Variants in CNMD observed in about 807,000 individuals in gnomAD.
CNMD encodes the protein chondromodulin.
A neutral mutation model predicts 37.5 loss-of-function variants in CNMD; 30 were observed. That is an observed-to-expected ratio of 0.80 (90% CI 0.60 to 1.09). CNMD has a LOEUF of 1.09. Ranked by LOEUF, CNMD falls within the 50% of genes least tolerant of loss-of-function variation. The probability of loss-of-function intolerance (pLI) is 0.00; values close to 1 mark genes in which losing one functional copy is unlikely to be tolerated. For missense variants in CNMD, 398 were observed against 423.9 expected (o/e 0.94, Z 0.54); for synonymous variants, 167 against 148.2 (o/e 1.13, Z -0.92).
chr13:52,703,952 CATTCATA>C (rs1434251780), intron 6 of CNMD, 142 bp from the exon 7 acceptor site: 1 of 655,682 alleles, frequency 1.5e-6, no homozygotes, highest in African/African-American at 1.8e-5. Flanking sequence ...TTTACCCTGT[CATTCATA>C]ATTCATGTTC....
intron 2 of CNMD, among the ~76,000 whole-genome samples, chr13:52,734,040 T>C (rs967090522): frequency 6.6e-6 from 1 of 152,194 alleles, no homozygotes; most frequent in African/African-American, 2.4e-5. Flanking sequence ...CCTGAACGAT[T>C]CTATGGGGCA....
Position 52,703,768 on chromosome 13 carries a change from G to A in CNMD, c.832C>T (p.His278Tyr), listed in dbSNP as rs147068950. ...CATTCTATACAACAGATTCCTTCGT[G>A]ATCCAGTCTAGGGTCGAATGTCATG... ...ESMTFDPRLD[H>Y]EGICCIECRR... The change falls in exon 7 of 7, where the codon CAC (histidine) becomes TAC (tyrosine). Residue 278 changes from histidine to tyrosine, a missense_variant. By Grantham distance (83) the His-to-Tyr change is moderately conservative. Coordinates refer to ENST00000377962, the MANE Select transcript of CNMD (RefSeq NM_007015.3). 1 of 1,613,956 alleles carries A rather than the reference G, an allele frequency of 6.2e-7. No homozygotes were observed. The highest frequency in any genetic ancestry group is 1.3e-5 in the African/African-American group (1 of 74,914).
chr13:52,735,682 T>A lies in CNMD; in HGVS notation c.214-2323A>T, dbSNP rs9568756. On this transcript the variant is annotated intron_variant, in intron 2 of 6. Transcript: ENST00000377962. ...AGCTGATGAATTTTTAAAAAAAATC[T>A]AAAAAAAAAAAAAAATCTCATAATG... is the stretch of plus-strand genomic sequence containing the variant. Among the ~76,000 whole-genome samples the A allele has an allele frequency of 1.3e-3, 189 of 142,796 alleles. 2 individuals are homozygous for A. In the East Asian group the frequency reaches 0.033, roughly 25 times the overall value. The allele number at this position is 142,796 out of a possible 152,430, so 93.7% of individuals were successfully genotyped here.
intron 3 of CNMD, among the ~76,000 whole-genome samples, chr13:52,730,578 G>A (rs1964648784): frequency 6.6e-6 from 1 of 152,116 alleles, no homozygotes; most frequent in Non-Finnish European, 1.5e-5. Context: ...GGCCAGTGAT[G>A]ATGAGCATTT....
chr13:52,720,970 C>T (rs912202422), intron 4 of CNMD, among the ~76,000 whole-genome samples: 2 of 152,206 alleles, frequency 1.3e-5, no homozygotes, highest in Non-Finnish European at 2.9e-5. Context: ...CCGACTGGGG[C>T]TGCTGCCTTT....
At chr13:52,723,903 TA>T in intron 4 of CNMD, 93 bp downstream of exon 4, 1 of 809,104 alleles carries the variant, frequency 1.2e-6, no homozygotes, top group Non-Finnish European at 2.0e-6. Flanking sequence ...TCAATAAAAA[TA>T]AAAATAAAAA....
chr13:52,714,393 C>T (rs1964336566), intron 4 of CNMD, among the ~76,000 whole-genome samples: 1 of 152,242 alleles, frequency 6.6e-6, no homozygotes, highest in South Asian at 2.1e-4. Context: ...CTAATTCACA[C>T]AAATGTATTG....
intron 2 of CNMD, among the ~76,000 whole-genome samples, chr13:52,734,479 C>T (rs1185250310): frequency 2.6e-5 from 4 of 152,156 alleles, no homozygotes; most frequent in African/African-American, 9.7e-5. Flanking sequence ...CTGATTACTG[C>T]ACTGGTTTCA....
intron 3 of CNMD, among the ~76,000 whole-genome samples, chr13:52,727,449 C>T (rs974883935): frequency 6.6e-6 from 1 of 152,092 alleles, no homozygotes; most frequent in Non-Finnish European, 1.5e-5. Flanking sequence ...ACTGCTTGAG[C>T]CCAGGAGTTC....
intron 4 of CNMD, among the ~76,000 whole-genome samples, chr13:52,719,743 C>T (rs1964449643): frequency 6.6e-6 from 1 of 152,220 alleles, no homozygotes. Context: ...AACTTTCTCT[C>T]TGGCTGCTTT....
chr13:52,708,444 G>C, intron 6 of CNMD, 92 bp downstream of exon 6: 1 of 1,175,236 alleles, frequency 8.5e-7, no homozygotes, highest in Non-Finnish European at 1.2e-6. Flanking sequence ...GCCTCCCAAA[G>C]TGCTAGGATT....
At position 52,708,666 on chromosome 13, in the gene CNMD, A is replaced by T; in HGVS notation, c.659T>A (p.Ile220Asn). 1 of 1,611,128 alleles carries T rather than the reference A, an allele frequency of 6.2e-7. No individual in the cohort carries two copies. Among genetic ancestry groups the T allele is most frequent in the South Asian group, 1.1e-5 (1 of 89,998 alleles). ...TGGTCTTTTTGTGGTAGTTGGAACA[A>T]TTTTTCTTACCACTTCTCTTCTTTC... is the stretch of plus-strand genomic sequence containing the variant. ...QRERREVVRKIVPTTTKRPHS... is the reference protein window; with the variant it reads ...QRERREVVRKNVPTTTKRPHS... Residue 220 changes from isoleucine to asparagine, a missense_variant, in exon 6 of 7, where the codon ATT (isoleucine) becomes AAT (asparagine). Ile to Asn is a moderately radical substitution (Grantham distance 149). Coordinates refer to ENST00000377962, the MANE Select transcript of CNMD (RefSeq NM_007015.3).
At chr13:52,717,525 C>A (rs1964410765) in intron 4 of CNMD, among the ~76,000 whole-genome samples, 1 of 152,106 alleles carries the variant, frequency 6.6e-6, no homozygotes. Flanking sequence ...CCATCAATAC[C>A]TAGTTTATTG....
intron 4 of CNMD, among the ~76,000 whole-genome samples, chr13:52,720,250 T>C (rs1403793227): frequency 6.6e-6 from 1 of 152,162 alleles, no homozygotes; most frequent in African/African-American, 2.4e-5. Context: ...TTTTCAAGGT[T>C]CTTGGCTTCC....
chr13:52,708,072 A>G (rs779744252), intron 6 of CNMD, among the ~76,000 whole-genome samples: 35 of 152,146 alleles, frequency 2.3e-4, no homozygotes, highest in Non-Finnish European at 3.8e-4. Context: ...AAACAACAAC[A>G]AAAAAACAAC....
intron 3 of CNMD, among the ~76,000 whole-genome samples, chr13:52,731,654 G>T (rs559725147): frequency 1.3e-5 from 2 of 152,292 alleles, no homozygotes; most frequent in South Asian, 4.1e-4. Flanking sequence ...ATATAGGTTT[G>T]GGATTAAAAT....
At chr13:52,721,717 A>G (rs1004346667) in intron 4 of CNMD, among the ~76,000 whole-genome samples, 1 of 151,068 alleles carries the variant, frequency 6.6e-6, no homozygotes, top group Non-Finnish European at 1.5e-5. Context: ...GGGAGCTGCA[A>G]ACTGGAGCTG....
At chr13:52,714,769 TCA>T (rs148218573) in intron 4 of CNMD, among the ~76,000 whole-genome samples, 4 of 150,336 alleles carry the variant, frequency 2.7e-5, no homozygotes, top group Non-Finnish European at 3.0e-5. Flanking sequence ...AGAAAGACTA[TCA>T]CACACACACA....
At chr13:52,729,981 C>G (rs1964637462) in intron 3 of CNMD, among the ~76,000 whole-genome samples, 1 of 135,416 alleles carries the variant, frequency 7.4e-6, no homozygotes, top group South Asian at 2.8e-4. Flanking sequence ...CCTCCCCCCA[C>G]CCCACAGCAG....
Sources: allele counts gnomAD v4.1 joint callset (sites outside exome capture counted in the v4.1 genomes callset), GRCh38; gene constraint gnomAD v4.1.1; transcripts MANE v1.5; gene names NCBI Gene and HGNC (gene_info 2026-07-23, HGNC 2026-07-21).